UNC5C: variants seen among roughly 807,000 people sequenced by gnomAD.
UNC5C encodes unc-5 netrin receptor C, also known as netrin receptor UNC5C.
In UNC5C, 47 loss-of-function variants were observed where a neutral mutation model predicts 99.8. The observed-to-expected ratio is 0.47, with a 90% CI of 0.37 to 0.60. The LOEUF (loss-of-function observed/expected upper bound fraction) is 0.60. UNC5C is among the 20% of genes least tolerant of loss of function. The pLI, the probability that UNC5C is intolerant of heterozygous loss-of-function variation, is 0.00. For missense variants in UNC5C, 1,062 were observed against 1,165.9 expected, an observed-to-expected ratio of 0.91 and a Z score of 1.30; for synonymous variants, 487 against 452.2, an observed-to-expected ratio of 1.08 and a Z score of -0.98.
intron 7 of UNC5C, chr4:95,222,091 A>C: frequency 1.6e-6 from 1 of 609,070 alleles, no homozygotes; most frequent in Non-Finnish European, 2.5e-6. Context: ...TCATGTTAGA[A>C]TATATTAGGC....
intron 2 of UNC5C, among the ~76,000 whole-genome samples, chr4:95,307,990 A>T (rs926019746): frequency 6.6e-6 from 1 of 152,218 alleles, no homozygotes; most frequent in African/African-American, 2.4e-5. Context: ...GCTATATATG[A>T]CAAGCCCAGA....
intron 1 of UNC5C, among the ~76,000 whole-genome samples, chr4:95,424,516 TTC>T (rs1164742544): frequency 3.0e-5 from 4 of 131,264 alleles, no homozygotes; most frequent in African/African-American, 8.5e-5. Flanking sequence ...TTTTTTTCTT[TTC>T]TTTTTTTTTT....
chr4:95,534,164 C>T (rs942520423), intron 1 of UNC5C, among the ~76,000 whole-genome samples: 16 of 152,134 alleles, frequency 1.1e-4, no homozygotes, highest in African/African-American at 3.9e-4. Context: ...ACCTGATTTT[C>T]GGACAAAGAA....
intron 12 of UNC5C, among the ~76,000 whole-genome samples, chr4:95,190,820 G>A (rs538929913): frequency 1.3e-5 from 2 of 152,288 alleles, no homozygotes; most frequent in African/African-American, 4.8e-5. Flanking sequence ...TCCCCACTGC[G>A]GGCGCTGCCT....
At chr4:95,259,888 T>C (rs1740156989) in intron 4 of UNC5C, among the ~76,000 whole-genome samples, 1 of 152,090 alleles carries the variant, frequency 6.6e-6, no homozygotes, top group South Asian at 2.1e-4. Context: ...CTTTTATGGG[T>C]TTTCCATTTC....
chr4:95,269,479 G>T (rs560928371), intron 4 of UNC5C, among the ~76,000 whole-genome samples: 17 of 151,908 alleles, frequency 1.1e-4, no homozygotes, highest in African/African-American at 3.6e-4. Context: ...GTAGAGTTGG[G>T]GTTCTCTTAC....
In UNC5C at chr4:95,344,797, T is replaced by C. The variant is rs747383353; in HGVS notation, c.125-9166A>G. 3.3e-5 allele frequency among the ~76,000 whole-genome samples: 5 copies of C among 152,182 alleles called. No individual in the cohort carries two copies. In the East Asian group the frequency reaches 9.7e-4, roughly 29 times the overall value. The stretch of plus-strand genomic sequence containing the variant: ...CTGTTTAAAATAATGGATGACAAGA[T>C]ATCATTTACAAGCCTCATGATAACC... On this transcript the variant is annotated intron_variant, in intron 1 of 15. Coordinates refer to ENST00000453304, the MANE Select transcript of UNC5C (RefSeq NM_003728.4).
At chr4:95,300,205 T>A (rs1741818191) in intron 3 of UNC5C, among the ~76,000 whole-genome samples, 1 of 152,228 alleles carries the variant, frequency 6.6e-6, no homozygotes, top group Non-Finnish European at 1.5e-5. Context: ...ACAGGTTACG[T>A]GGCATCCATG....
chr4:95,343,560 C>T (rs1743657762), intron 1 of UNC5C, among the ~76,000 whole-genome samples: 1 of 151,896 alleles, frequency 6.6e-6, no homozygotes, highest in Non-Finnish European at 1.5e-5. Flanking sequence ...TCAAGGCCAT[C>T]CAAGAAAACA....
At chr4:95,333,284 A>C (rs1407382784) in intron 2 of UNC5C, among the ~76,000 whole-genome samples, 4 of 152,064 alleles carry the variant, frequency 2.6e-5, no homozygotes, top group South Asian at 4.2e-4. Flanking sequence ...ATGTTTATTG[A>C]GGCATTATTC....
intron 1 of UNC5C, among the ~76,000 whole-genome samples, chr4:95,338,601 T>A (rs7687905): frequency 0.17 from 26,537 of 151,998 alleles, 2,498 homozygotes; most frequent in African/African-American, 0.21. Context: ...TCAAAAAACT[T>A]GAAATATACA....
intron 7 of UNC5C, among the ~76,000 whole-genome samples, chr4:95,235,128 C>T (rs903716573): frequency 4.6e-5 from 7 of 152,134 alleles, no homozygotes; most frequent in Admixed American, 6.5e-5. Flanking sequence ...GTATTTTATG[C>T]AAATACTTTT....
chr4:95,470,566 C>T (rs953004312), intron 1 of UNC5C, among the ~76,000 whole-genome samples: 9 of 151,682 alleles, frequency 5.9e-5, no homozygotes, highest in South Asian at 2.1e-4. Flanking sequence ...AGGTAGTGGA[C>T]AATAAAGGGC....
chr4:95,477,712 A>G (rs1720980525), intron 1 of UNC5C, among the ~76,000 whole-genome samples: 1 of 152,040 alleles, frequency 6.6e-6, no homozygotes, highest in Admixed American at 6.6e-5. Flanking sequence ...ACTTTCCTAC[A>G]TCCACAATAA....
intron 1 of UNC5C, among the ~76,000 whole-genome samples, chr4:95,363,428 C>T (rs1744457017): frequency 2.6e-5 from 4 of 152,148 alleles, no homozygotes; most frequent in Non-Finnish European, 5.9e-5. Context: ...TTTTATGACT[C>T]AGAGATCGTT....
At chr4:95,197,983 T>C (rs1294655598) in intron 12 of UNC5C, among the ~76,000 whole-genome samples, 1 of 116,080 alleles carries the variant, frequency 8.6e-6, no homozygotes, top group African/African-American at 3.8e-5. Flanking sequence ...CCTCTCCCTT[T>C]TTTTTTTTTT....
At chr4:95,298,527 G>T (rs971843720) in intron 3 of UNC5C, among the ~76,000 whole-genome samples, 1 of 152,016 alleles carries the variant, frequency 6.6e-6, no homozygotes, top group African/African-American at 2.4e-5. Flanking sequence ...TGTGCCAGCC[G>T]CTGTCCCCTC....
At chr4:95,382,304 C>T (rs1745094932) in intron 1 of UNC5C, among the ~76,000 whole-genome samples, 1 of 151,770 alleles carries the variant, frequency 6.6e-6, no homozygotes, top group Admixed American at 6.6e-5. Flanking sequence ...GAAACCCTGT[C>T]TCTACAAAAA....
chr4:95,176,432 C>G (rs913554463), intron 14 of UNC5C, among the ~76,000 whole-genome samples: 4 of 152,018 alleles, frequency 2.6e-5, no homozygotes, highest in Non-Finnish European at 5.9e-5. Flanking sequence ...GTGTGGATGT[C>G]CTTTCTGTTT....
Sources: gnomAD v4.1 joint callset for allele counts (sites outside exome capture counted in the v4.1 genomes callset) on GRCh38, gnomAD v4.1.1 for gene constraint, MANE v1.5 for transcripts, NCBI Gene and HGNC (gene_info 2026-07-23, HGNC 2026-07-21) for gene names.